The following NXPE2 variants were observed in gnomAD, a reference collection of about 807,000 sequenced individuals.
NXPE2 encodes the protein neurexophilin and PC-esterase domain family member 2, also known as NXPE family member 2.
A neutral mutation model predicts 34.4 loss-of-function variants in NXPE2; 34 were observed. The ratio of observed to expected loss-of-function variants is 0.99; its 90% CI spans 0.75 to 1.31. The LOEUF is 1.31. NXPE2 is among the 40% of genes most tolerant of loss of function. NXPE2 has a pLI of 0.00. For synonymous variants in NXPE2, 235 were observed against 231.3 expected (o/e 1.02, Z -0.15); for missense variants, 649 against 672.5 (o/e 0.97, Z 0.39).
chr11:114,610,773 A>G, the NXPE2 span, among the ~76,000 whole-genome samples: 1 of 151,962 alleles, frequency 6.6e-6, no homozygotes. Context: ...GTCGGTAACC[A>G]CTGTTACCCA....
the NXPE2 span, among the ~76,000 whole-genome samples, chr11:114,643,988 A>G: frequency 6.6e-6 from 1 of 151,938 alleles, no homozygotes; most frequent in Non-Finnish European, 1.5e-5. Flanking sequence ...TATCCCTTTT[A>G]AGTTGTATTG....
chr11:114,550,536 T>C, the NXPE2 span, among the ~76,000 whole-genome samples: 5 of 152,256 alleles, frequency 3.3e-5, no homozygotes, highest in African/African-American at 1.2e-4. Flanking sequence ...AAAAGTTAAA[T>C]GAGATTGATG....
chr11:114,492,608 G>A, the NXPE2 span, among the ~76,000 whole-genome samples: 1 of 150,802 alleles, frequency 6.6e-6, no homozygotes, highest in African/African-American at 2.4e-5. Flanking sequence ...GCACGATCTC[G>A]GCTCACTGCA....
At chr11:114,807,550 T>G in the NXPE2 span, among the ~76,000 whole-genome samples, 1 of 151,252 alleles carries the variant, frequency 6.6e-6, no homozygotes, top group Non-Finnish European at 1.5e-5. Flanking sequence ...TCCTAGTCTC[T>G]GATAAAACAG....
chr11:114,768,252 A>T, the NXPE2 span, among the ~76,000 whole-genome samples: 1 of 151,950 alleles, frequency 6.6e-6, no homozygotes, highest in Admixed American at 6.6e-5. Context: ...AGGCCTCTGT[A>T]CTGTTCCATT....
chr11:114,735,916 C>G, the NXPE2 span, among the ~76,000 whole-genome samples: 3 of 152,094 alleles, frequency 2.0e-5, no homozygotes, highest in Non-Finnish European at 4.4e-5. Context: ...TAAGCGTCCG[C>G]CGGTTTGAGA....
chr11:114,806,133 T>A, the NXPE2 span, among the ~76,000 whole-genome samples: 2 of 152,066 alleles, frequency 1.3e-5, no homozygotes, highest in Admixed American at 1.3e-4. Context: ...CAGCTGAGGG[T>A]CCTGTCTGTT....
chr11:114,788,421 G>A, the NXPE2 span, among the ~76,000 whole-genome samples: 1 of 152,204 alleles, frequency 6.6e-6, no homozygotes, highest in Non-Finnish European at 1.5e-5. Flanking sequence ...GCACACGCCT[G>A]TGGCCCAAAG....
Position 114,678,596 on chromosome 11 carries a change from C to T in NXPE2, c.21C>T (p.Ile7=). Residue 7 remains isoleucine (I), a synonymous_variant, in exon 1 of 6, where the codon ATC becomes ATT. Coordinates refer to ENST00000389586, the MANE Select transcript of NXPE2 (RefSeq NM_182495.6). The stretch of plus-strand genomic sequence containing the variant: ...AGAAGATGGTGGAGAAAATACTCAT[C>T]CATAGGTGTGGTACTTTCCAACTCT... MVEKIL[I]HRILTLFPNA... 1.3e-6 allele frequency: 2 copies of T among 1,548,626 alleles called. No individual in the cohort carries two copies. Among genetic ancestry groups the T allele is most frequent in the Non-Finnish European group, 1.7e-6 (2 of 1,144,206 alleles).
the NXPE2 span, chr11:114,595,837 G>C: frequency 2.6e-5 from 4 of 152,316 alleles, no homozygotes; most frequent in African/African-American, 9.7e-5. Flanking sequence ...ACAAACTGTA[G>C]TTATTAGCTC....
the NXPE2 span, among the ~76,000 whole-genome samples, chr11:114,466,562 A>G: frequency 6.6e-6 from 1 of 151,936 alleles, no homozygotes; most frequent in Non-Finnish European, 1.5e-5. Flanking sequence ...TTGAATATAT[A>G]TATATATTGT....
chr11:114,727,774 A>AACACACACACACACAC, the NXPE2 span, among the ~76,000 whole-genome samples: 130 of 127,626 alleles, frequency 1.0e-3, 1 homozygote, highest in Middle Eastern at 8.0e-3. Context: ...ATGTGTACAC[A>AACACACACACACACAC]ACACACACAC....
the NXPE2 span, among the ~76,000 whole-genome samples, chr11:114,532,993 G>A: frequency 6.6e-6 from 1 of 152,070 alleles, no homozygotes; most frequent in African/African-American, 2.4e-5. Flanking sequence ...TTCAGTAATA[G>A]GAAACCTTAA....
At chr11:114,755,939 TC>T in the NXPE2 span, among the ~76,000 whole-genome samples, 1 of 152,200 alleles carries the variant, frequency 6.6e-6, no homozygotes, top group Non-Finnish European at 1.5e-5. Flanking sequence ...TTCTCCATTC[TC>T]CACTCCCCAC....
At chr11:114,745,729 A>G in the NXPE2 span, among the ~76,000 whole-genome samples, 911 of 152,280 alleles carry the variant, frequency 6.0e-3, 12 homozygotes, top group African/African-American at 0.021. Context: ...AAAACTCAAA[A>G]ATAAGGTAGA....
At chr11:114,597,242 A>G in the NXPE2 span, among the ~76,000 whole-genome samples, 1 of 152,224 alleles carries the variant, frequency 6.6e-6, no homozygotes, top group African/African-American at 2.4e-5. Context: ...ATGTTTGATT[A>G]GCCCAATAGA....
chr11:114,599,058 T>G, the NXPE2 span, among the ~76,000 whole-genome samples: 1 of 152,190 alleles, frequency 6.6e-6, no homozygotes, highest in African/African-American at 2.4e-5. Context: ...ATTTCCAGTT[T>G]TACATCTTTT....
At chr11:114,630,434 AT>A in the NXPE2 span, among the ~76,000 whole-genome samples, 1 of 151,874 alleles carries the variant, frequency 6.6e-6, no homozygotes, top group South Asian at 2.1e-4. Flanking sequence ...AGTATTCCCT[AT>A]TTAATAAATG....
the NXPE2 span, among the ~76,000 whole-genome samples, chr11:114,576,526 AG>A: frequency 6.6e-6 from 1 of 152,148 alleles, no homozygotes; most frequent in Non-Finnish European, 1.5e-5. Flanking sequence ...CCCATCAAAA[AG>A]TGGGCTATAG....
Sources: gnomAD v4.1 joint callset for allele counts (sites outside exome capture counted in the v4.1 genomes callset) on GRCh38, gnomAD v4.1.1 for gene constraint, MANE v1.5 for transcripts, NCBI Gene and HGNC (gene_info 2026-07-23, HGNC 2026-07-21) for gene names.